The following FGF14 variants were observed in gnomAD, a reference collection of about 807,000 sequenced individuals.
FGF14 encodes the protein fibroblast growth factor homologous factor 4.
In FGF14, 5 loss-of-function variants were observed where a neutral mutation model predicts 25.5. That is an observed-to-expected ratio of 0.20 (90% CI 0.10 to 0.41). The LOEUF is 0.41. FGF14 is among the 10% of genes least tolerant of loss of function. The probability of loss-of-function intolerance (pLI) is 1.00; values close to 1 mark genes in which losing one functional copy is unlikely to be tolerated. For missense variants in FGF14, 222 were observed against 320.1 expected, an observed-to-expected ratio of 0.69 and a Z score of 2.34; for synonymous variants, 138 against 118.3, an observed-to-expected ratio of 1.17 and a Z score of -1.08.
chr13:101,898,444 G>C (rs1025961003), intron 1 of FGF14, among the ~76,000 whole-genome samples: 1 of 151,004 alleles, frequency 6.6e-6, no homozygotes, highest in Non-Finnish European at 1.5e-5. Flanking sequence ...ACTTAGAGTG[G>C]AATATGGATT....
intron 1 of FGF14, among the ~76,000 whole-genome samples, chr13:101,929,610 C>A (rs1322691): frequency 0.022 from 3,412 of 152,308 alleles, 119 homozygotes; most frequent in African/African-American, 0.078. Flanking sequence ...GTCACGTCAT[C>A]TGACTATTTT....
At chr13:102,147,985 G>A (rs1428434333) in intron 1 of FGF14, among the ~76,000 whole-genome samples, 2 of 152,116 alleles carry the variant, frequency 1.3e-5, no homozygotes, top group African/African-American at 4.8e-5. Context: ...CCAAAATGTA[G>A]CAATTTCCCA....
chr13:101,904,105 T>C (rs1211743535), intron 1 of FGF14, among the ~76,000 whole-genome samples: 3 of 152,214 alleles, frequency 2.0e-5, no homozygotes, highest in Non-Finnish European at 2.9e-5. Flanking sequence ...GAGGCATCTA[T>C]CAAATTGTCT....
chr13:102,041,715 T>G (rs1421689227), intron 1 of FGF14, among the ~76,000 whole-genome samples: 2 of 152,200 alleles, frequency 1.3e-5, no homozygotes, highest in East Asian at 3.9e-4. Flanking sequence ...GTAAAAGACA[T>G]CTGGATGGGG....
chr13:101,812,653 ATTTTTTTTTT>A (rs869237724), intron 3 of FGF14, among the ~76,000 whole-genome samples: 1 of 11,612 alleles, frequency 8.6e-5, no homozygotes, highest in African/African-American at 2.8e-4. Context: ...ATATATATAT[ATTTTTTTTTT>A]TTTTTTTTTT....
rs2034867762 is a variant in FGF14, at chr13:101,719,920, C to G, written c.*2911G>C. On this transcript the variant is annotated 3_prime_UTR_variant, in exon 5 of 5. Coordinates refer to ENST00000376143, the MANE Select transcript of FGF14 (RefSeq NM_004115.4). ...AAACAAATAGCAAGAGAGGTATCAT[C>G]AAAGAGCTAAAATTTTCTTTGGCAT... 2 of 152,062 alleles carry G rather than the reference C, an allele frequency of 1.3e-5. No individual in the cohort carries two copies. Among genetic ancestry groups the G allele is most frequent in the South Asian group, 4.1e-4 (2 of 4,826 alleles). The allele number at this position is 152,062 out of a possible 1,614,324, so 9.4% of individuals were successfully genotyped here.
chr13:102,300,658 A>G (rs2054988141), intron 1 of FGF14, among the ~76,000 whole-genome samples: 1 of 152,140 alleles, frequency 6.6e-6, no homozygotes, highest in Admixed American at 6.6e-5. Context: ...TATCATAGTA[A>G]GAATATTAGA....
chr13:102,157,107 C>T (rs1291506158), intron 1 of FGF14, among the ~76,000 whole-genome samples: 1 of 152,128 alleles, frequency 6.6e-6, no homozygotes, highest in African/African-American at 2.4e-5. Context: ...GATTCAATGC[C>T]ATCCCCATCA....
intron 1 of FGF14, among the ~76,000 whole-genome samples, chr13:101,975,094 G>T (rs2037840989): frequency 6.6e-6 from 1 of 152,114 alleles, no homozygotes; most frequent in Non-Finnish European, 1.5e-5. Context: ...TGGCTGCCCT[G>T]TCTGGCTGTT....
At chr13:102,306,801 A>G (rs975753864) in intron 1 of FGF14, among the ~76,000 whole-genome samples, 1 of 152,150 alleles carries the variant, frequency 6.6e-6, no homozygotes, top group Non-Finnish European at 1.5e-5. Flanking sequence ...TCCACCATCT[A>G]TCAGAAAAAG....
At chr13:102,227,497 T>C (rs919883324) in intron 1 of FGF14, among the ~76,000 whole-genome samples, 1 of 152,102 alleles carries the variant, frequency 6.6e-6, no homozygotes, top group Non-Finnish European at 1.5e-5. Context: ...TTGTCCCCTA[T>C]GCATCCCCAC....
intron 1 of FGF14, among the ~76,000 whole-genome samples, chr13:101,899,187 G>GC (rs1006295621): frequency 7.0e-6 from 1 of 142,306 alleles, no homozygotes; most frequent in African/African-American, 2.8e-5. Context: ...GGAATCTTCT[G>GC]CCCCAACTGT....
chr13:102,059,289 C>T (rs1404536442), intron 1 of FGF14, among the ~76,000 whole-genome samples: 2 of 152,124 alleles, frequency 1.3e-5, no homozygotes, highest in Non-Finnish European at 2.9e-5. Flanking sequence ...CATCTCTTTC[C>T]TCCCTGCAAG....
At chr13:102,385,397 C>A (rs1055146794) in intron 1 of FGF14, among the ~76,000 whole-genome samples, 1 of 152,162 alleles carries the variant, frequency 6.6e-6, no homozygotes, top group South Asian at 2.1e-4. Context: ...GCTGGTTATA[C>A]TGTACCAATG....
At chr13:102,334,646 G>A (rs552175963) in intron 1 of FGF14, among the ~76,000 whole-genome samples, 9 of 152,268 alleles carry the variant, frequency 5.9e-5, no homozygotes, top group Non-Finnish European at 8.8e-5. Flanking sequence ...AAAAGTGTTC[G>A]TATAAGGCTT....
At chr13:101,898,150 C>T (rs1235718522) in intron 1 of FGF14, among the ~76,000 whole-genome samples, 3 of 152,126 alleles carry the variant, frequency 2.0e-5, no homozygotes, top group Non-Finnish European at 2.9e-5. Context: ...CTGCCTCAGC[C>T]TCCCAAAATA....
chr13:102,054,714 T>C (rs1211409994), intron 1 of FGF14, among the ~76,000 whole-genome samples: 1 of 152,160 alleles, frequency 6.6e-6, no homozygotes, highest in Non-Finnish European at 1.5e-5. Context: ...AAATTCAACT[T>C]AGGGTATCCA....
At chr13:102,171,562 A>C (rs2048245010) in intron 1 of FGF14, among the ~76,000 whole-genome samples, 1 of 152,188 alleles carries the variant, frequency 6.6e-6, no homozygotes, top group Non-Finnish European at 1.5e-5. Context: ...AAGAAAATAA[A>C]ACAACAAGAC....
At chr13:101,837,085 G>A (rs971924220) in intron 3 of FGF14, among the ~76,000 whole-genome samples, 3 of 151,910 alleles carry the variant, frequency 2.0e-5, no homozygotes, top group Non-Finnish European at 2.9e-5. Context: ...TAGGCATGTC[G>A]TGTTCATTAT....
Sources: allele counts gnomAD v4.1 joint callset (sites outside exome capture counted in the v4.1 genomes callset), GRCh38; gene constraint gnomAD v4.1.1; transcripts MANE v1.5; gene names NCBI Gene and HGNC (gene_info 2026-07-23, HGNC 2026-07-21).